Variants in TRAK1 observed in about 807,000 individuals in gnomAD.
The protein encoded by TRAK1 is trafficking kinesin protein 1, also known as trafficking kinesin-binding protein 1.
TRAK1 carries 33 observed loss-of-function variants against 92.1 expected under a neutral mutation model. The observed-to-expected ratio is 0.36, with a 90% confidence interval of 0.27 to 0.48. TRAK1 has a LOEUF of 0.48. Ranked by LOEUF, TRAK1 falls within the 20% of genes least tolerant of loss-of-function variation. The pLI is 0.99. For missense variants in TRAK1, 1,123 were observed against 1,257.9 expected, an observed-to-expected ratio of 0.89 and a Z score of 1.62; for synonymous variants, 521 against 517.3, an observed-to-expected ratio of 1.01 and a Z score of -0.10.
chr3:42,035,311 C>T (rs1487187802), intron 1 of TRAK1, among the ~76,000 whole-genome samples: 1 of 152,152 alleles, frequency 6.6e-6, no homozygotes, highest in Non-Finnish European at 1.5e-5. Flanking sequence ...ACTGGCAAGG[C>T]TCCTGGTGAT....
intron 2 of TRAK1, among the ~76,000 whole-genome samples, chr3:42,175,997 G>A (rs1347446184): frequency 6.6e-6 from 1 of 152,160 alleles, no homozygotes; most frequent in Admixed American, 6.5e-5. Flanking sequence ...TGTTTGTTGA[G>A]CGGCGAATCA....
chr3:42,088,224 C>T (rs1191752105), upstream of TRAK1, among the ~76,000 whole-genome samples: 3 of 152,210 alleles, frequency 2.0e-5, no homozygotes, highest in Admixed American at 2.0e-4. Context: ...TCTCTTGGTT[C>T]TGTGTTACCA....
chr3:42,205,326 A>G (rs537398539), intron 13 of TRAK1, among the ~76,000 whole-genome samples: 2 of 152,210 alleles, frequency 1.3e-5, no homozygotes, highest in East Asian at 3.9e-4. Flanking sequence ...CCAGCAGCCC[A>G]GGTAAATGTA....
chr3:42,067,075 G>A (rs903731043), intron 1 of TRAK1, among the ~76,000 whole-genome samples: 5 of 152,142 alleles, frequency 3.3e-5, no homozygotes, highest in African/African-American at 1.2e-4. Flanking sequence ...TTGAGCTGTC[G>A]TTTCCCAGAT....
At chr3:42,076,703 C>G (rs951713865) in intron 1 of TRAK1, among the ~76,000 whole-genome samples, 11 of 152,100 alleles carry the variant, frequency 7.2e-5, no homozygotes, top group Non-Finnish European at 8.8e-5. Flanking sequence ...GAAATCTTTG[C>G]CAGGGCTCAT....
At chr3:42,173,072 G>A (rs1052065286) in intron 2 of TRAK1, among the ~76,000 whole-genome samples, 1 of 152,148 alleles carries the variant, frequency 6.6e-6, no homozygotes, top group Non-Finnish European at 1.5e-5. Context: ...CTTGAACCAG[G>A]GAGGCCGAGG....
intron 1 of TRAK1, among the ~76,000 whole-genome samples, chr3:42,039,449 C>T (rs191055195): frequency 2.5e-4 from 38 of 152,286 alleles, no homozygotes; most frequent in African/African-American, 7.0e-4. Flanking sequence ...CTGCAACTTC[C>T]GCCTCCTGGG....
intron 11 of TRAK1, among the ~76,000 whole-genome samples, chr3:42,200,179 T>A (rs1229936307): frequency 6.6e-6 from 1 of 152,230 alleles, no homozygotes; most frequent in Non-Finnish European, 1.5e-5. Context: ...AGGTTTGGTA[T>A]ATGTGTGACA....
intron 1 of TRAK1, among the ~76,000 whole-genome samples, chr3:42,053,612 G>T (rs1358698477): frequency 2.0e-5 from 3 of 152,010 alleles, no homozygotes; most frequent in Non-Finnish European, 4.4e-5. Context: ...AGGCCCAGAG[G>T]ACCTGGCAAA....
chr3:42,095,845 G>A (rs891704327), intron 1 of TRAK1, among the ~76,000 whole-genome samples: 2 of 152,202 alleles, frequency 1.3e-5, no homozygotes, highest in African/African-American at 4.8e-5. Context: ...AGGTGGTGGA[G>A]CCTCTGGGAG....
At chr3:42,081,724 T>C (rs2148951848) in intron 1 of TRAK1, among the ~76,000 whole-genome samples, 1 of 152,298 alleles carries the variant, frequency 6.6e-6, no homozygotes, top group African/African-American at 2.4e-5. Flanking sequence ...CCAAGAAAGG[T>C]GCCAGATTCT....
intron 1 of TRAK1, among the ~76,000 whole-genome samples, chr3:42,113,754 A>G (rs1032103362): frequency 7.3e-5 from 11 of 151,482 alleles, no homozygotes; most frequent in African/African-American, 2.4e-4. Context: ...GGATCTCACT[A>G]TGTTGCCCAG....
intron 3 of TRAK1, among the ~76,000 whole-genome samples, chr3:42,183,810 A>C (rs956987110): frequency 6.6e-6 from 1 of 152,164 alleles, no homozygotes; most frequent in African/African-American, 2.4e-5. Flanking sequence ...GCCAAAACCC[A>C]AGTTGAATCT....
intron 12 of TRAK1, among the ~76,000 whole-genome samples, chr3:42,201,988 C>A (rs1431777001): frequency 6.6e-6 from 1 of 151,770 alleles, no homozygotes; most frequent in Non-Finnish European, 1.5e-5. Flanking sequence ...TTCTTCCGGA[C>A]CAGTTGGAAC....
intron 1 of TRAK1, 123 bp from the exon 2 acceptor site, chr3:42,125,297 T>C: frequency 1.2e-6 from 1 of 826,654 alleles, no homozygotes; most frequent in Non-Finnish European, 1.8e-6. Context: ...TATAGCCTTG[T>C]CTAGCTTCTT....
rs1044037525 is a variant in TRAK1 at position 42,176,825 on chromosome 3, G to C, written c.298G>C (p.Glu100Gln). 2.5e-6 allele frequency: 4 copies of C among 1,614,050 alleles called. No homozygotes were observed. The African/African-American group carries it at 5.3e-5, about 22-fold the overall frequency. Residue 100 changes from glutamate to glutamine, a missense_variant, in exon 3 of 16, where the codon GAA (glutamate) becomes CAA (glutamine). By Grantham distance (29) the Glu-to-Gln change is conservative. Around this residue, in one of 3 missense-constraint regions of TRAK1, gnomAD observed 686 missense variants for 747.6 expected, o/e 0.92. Transcript: ENST00000327628. ...ETLKYFLLCA[E>Q]RVGQMTKTYN... is the part of the protein sequence containing the mutation. Reference sequence around the variant, plus strand: ...TTTATTTCTTACAGTTTTATGTGCTGAAAGAGTTGGCCAGATGACTAAGAC... The same window carrying C: ...TTTATTTCTTACAGTTTTATGTGCTCAAAGAGTTGGCCAGATGACTAAGAC...
intron 2 of TRAK1, chr3:42,151,390 G>C (rs555712230): frequency 1.3e-4 from 61 of 456,526 alleles, no homozygotes; most frequent in Admixed American, 7.5e-4. Context: ...CTTCCTCTAA[G>C]AGCAAAGGAA....
At chr3:42,085,415 C>T (rs941359411), upstream of TRAK1, among the ~76,000 whole-genome samples, 14 of 152,262 alleles carry the variant, frequency 9.2e-5, no homozygotes, top group South Asian at 4.1e-4. Context: ...GTGATCTGCC[C>T]GCCTTGGCCT....
chr3:42,206,054 C>T (rs547861587), intron 13 of TRAK1, among the ~76,000 whole-genome samples: 3 of 152,276 alleles, frequency 2.0e-5, no homozygotes, highest in African/African-American at 7.2e-5. Context: ...GGAAGCCAGG[C>T]TGGGGAATGA....
Sources: allele counts gnomAD v4.1 joint callset (sites outside exome capture counted in the v4.1 genomes callset), GRCh38; gene constraint gnomAD v4.1.1; regional missense constraint gnomAD v4.1.1; transcripts MANE v1.5; gene names NCBI Gene and HGNC (gene_info 2026-07-23, HGNC 2026-07-21).